MARK2: variants seen among roughly 807,000 people sequenced by gnomAD.
The protein encoded by MARK2 is serine/threonine-protein kinase MARK2.
A neutral mutation model predicts 89.8 loss-of-function variants in MARK2; 16 were observed. The ratio of observed to expected loss-of-function variants is 0.18; its 90% CI spans 0.12 to 0.27. MARK2 has a LOEUF of 0.27. MARK2 is among the 10% of genes least tolerant of loss of function. MARK2 has a pLI of 1.00. For missense variants in MARK2, 621 were observed against 1,049.9 expected (o/e 0.59, Z 5.65); for synonymous variants, 382 against 399.5 (o/e 0.96, Z 0.52).
At chr11:63,839,964 C>T (rs1266840990) in intron 1 of MARK2, among the ~76,000 whole-genome samples, 2 of 152,178 alleles carry the variant, frequency 1.3e-5, no homozygotes, top group Non-Finnish European at 2.9e-5. Context: ...CCACCTCTCC[C>T]TTCGTCTCTC....
chr11:63,910,157 G>T lies in MARK2; in HGVS notation c.*920G>T, dbSNP rs1941660319. On this transcript the variant is annotated 3_prime_UTR_variant, in exon 19 of 19. Transcript: ENST00000402010. ...TTGGGCTGTTGGTCTCCAGAGCAGG[G>T]CCACTGGGCACTCTGTGATGGGGGA... 6.6e-6 allele frequency: 1 copy of T among 152,376 alleles called. No homozygotes were observed. The highest frequency in any genetic ancestry group is 1.5e-5 in the Non-Finnish European group (1 of 68,160). The allele number at this position is 152,376 out of a possible 1,614,324, so 9.4% of individuals were successfully genotyped here.
intron 16 of MARK2, among the ~76,000 whole-genome samples, chr11:63,905,698 G>C (rs1007120802): frequency 6.6e-6 from 1 of 152,362 alleles, no homozygotes; most frequent in East Asian, 1.9e-4. Flanking sequence ...GGTGCAGCTT[G>C]AAGTGCATCC....
chr11:63,858,574 C>T (rs936252442), intron 1 of MARK2, among the ~76,000 whole-genome samples: 4 of 150,808 alleles, frequency 2.7e-5, no homozygotes, highest in African/African-American at 7.3e-5. Flanking sequence ...AGGCTGGTCT[C>T]GAACTCCTGA....
At position 63,904,733 on chromosome 11, in the gene MARK2, T is replaced by C; in HGVS notation, c.1677-53T>C. On this transcript the variant is annotated intron_variant, in intron 15 of 18. Transcript: ENST00000402010. This position sits in a 1 kb window ranked among gnomAD's most constrained non-coding sequence, Gnocchi z 6.3. ...CACAGGGTGTCCAGGTGCCCAGTGA[T>C]GGCTGTCCTGTACCCTAATTCGTCC... The C allele has an allele frequency of 1.3e-6, 2 of 1,570,138 alleles. No homozygotes were observed. The highest frequency in any genetic ancestry group is 2.3e-5 in the East Asian group (1 of 44,370).
chr11:63,857,853 T>A (rs1661673366), intron 1 of MARK2, among the ~76,000 whole-genome samples: 1 of 152,140 alleles, frequency 6.6e-6, no homozygotes, highest in African/African-American at 2.4e-5. Flanking sequence ...TTTATTTTTT[T>A]ATTTTTTGAG....
At chr11:63,906,153 G>GTGTGTC (rs1554987686) in intron 17 of MARK2, 39 bp downstream of exon 17, 57 of 1,287,712 alleles carry the variant, frequency 4.4e-5, no homozygotes, top group African/African-American at 1.5e-5. Context: ...GTGTGTGTGT[G>GTGTGTC]TGTCTGTGTC....
rs1411756585 is a variant in MARK2, at chr11:63,909,506, G to T, written c.*269G>T. 2 of 363,884 alleles carry T rather than the reference G, an allele frequency of 5.5e-6. No individual in the cohort carries two copies. Among genetic ancestry groups the T allele is most frequent in the Non-Finnish European group, 9.9e-6 (2 of 201,984 alleles). The allele number at this position is 363,884 out of a possible 1,614,324, so 22.5% of individuals were successfully genotyped here. A position where few individuals can be genotyped will look rare whatever the true frequency, so the allele number is the denominator to read the frequency against. ...AAGGAAGGGGAGGGTGGATGGGGGGGCAGGGCTCCCCCTCGGTACTGCGGT... is the reference window on the plus strand; with the variant it reads ...AAGGAAGGGGAGGGTGGATGGGGGGTCAGGGCTCCCCCTCGGTACTGCGGT... On this transcript the variant is annotated 3_prime_UTR_variant, in exon 19 of 19. Transcript: ENST00000402010.
intron 1 of MARK2, among the ~76,000 whole-genome samples, chr11:63,861,683 C>T (rs1390799787): frequency 6.6e-6 from 1 of 151,850 alleles, no homozygotes; most frequent in African/African-American, 2.4e-5. Flanking sequence ...ATTTATTGAG[C>T]CCTTACTCTG....
chr11:63,864,569 T>C (rs1485689011), intron 1 of MARK2, among the ~76,000 whole-genome samples: 14 of 151,740 alleles, frequency 9.2e-5, no homozygotes. Flanking sequence ...TTTATTTTTA[T>C]TTTTTGTAGA....
At chr11:63,901,166 G>A (rs1016529410) in intron 11 of MARK2, 97 bp downstream of exon 11, 22 of 794,664 alleles carry the variant, frequency 2.8e-5, no homozygotes, top group Admixed American at 1.0e-4. Context: ...TCATCTCTGA[G>A]TAGGTGTGCT....
At chr11:63,884,549 G>A (rs73494120) in intron 1 of MARK2, among the ~76,000 whole-genome samples, 5,543 of 152,286 alleles carry the variant, frequency 0.036, 334 homozygotes, top group African/African-American at 0.12. Flanking sequence ...TAAGTTGCAG[G>A]CTCTTCTGGT....
chr11:63,899,084 G>A lies in MARK2; in HGVS notation c.507G>A (p.Lys169=). The part of the protein sequence containing the change: ...IVSAVQYCHQ[K]FIVHRDLKAE... ...CTGCTGTGCAGTACTGTCACCAGAA[G>A]TTTATTGTCCATAGAGACTTAAAGG... Residue 169 remains lysine, a synonymous_variant, in exon 7 of 19, where the codon AAG becomes AAA. Coordinates refer to ENST00000402010, the MANE Select transcript of MARK2 (RefSeq NM_001039469.3). 1 of 1,612,464 alleles carries A rather than the reference G, an allele frequency of 6.2e-7. No homozygotes were observed. Among genetic ancestry groups the A allele is most frequent in the Non-Finnish European group, 8.5e-7 (1 of 1,179,126 alleles).
intron 6 of MARK2, 94 bp downstream of exon 6, chr11:63,898,927 G>C: frequency 7.7e-7 from 1 of 1,300,630 alleles, no homozygotes; most frequent in Non-Finnish European, 1.1e-6. Context: ...GTGGCCCTTG[G>C]AGGGTACTTT....
At chr11:63,886,652 GACCTCAAGTGATCC>G (rs1247035211) in intron 1 of MARK2, among the ~76,000 whole-genome samples, 1 of 152,174 alleles carries the variant, frequency 6.6e-6, no homozygotes, top group Non-Finnish European at 1.5e-5. Context: ...TCGAACTCCT[GACCTCAAGTGATCC>G]ACCAGCCTCG....
Position 63,839,282 on chromosome 11 carries a change from G to T in MARK2, c.-225G>T. The T allele has an allele frequency of 3.2e-6, 1 of 314,956 alleles. No individual in the cohort carries two copies. 19.5% of individuals were successfully genotyped at this position (314,956 alleles called of 1,614,324 possible). On this transcript the variant is annotated 5_prime_UTR_variant, in exon 1 of 19. Coordinates refer to ENST00000402010, the MANE Select transcript of MARK2 (RefSeq NM_001039469.3). ...CCGAAAGGCGGCACAGCCCAGCCGGGGGTCGGGGGGGTGCGGTCCGGAGCC... is the reference window on the plus strand; with the variant it reads ...CCGAAAGGCGGCACAGCCCAGCCGGTGGTCGGGGGGGTGCGGTCCGGAGCC...
At chr11:63,856,249 G>A (rs1350988464) in intron 1 of MARK2, among the ~76,000 whole-genome samples, 5 of 150,176 alleles carry the variant, frequency 3.3e-5, no homozygotes, top group African/African-American at 1.2e-4. Context: ...TGATGTGAGG[G>A]ACTTTGACCA....
In MARK2 at chr11:63,858,315, C is replaced by G. The variant is rs1049734587; in HGVS notation, c.54+18755C>G. ...ACGGGCATGAGCCACTGTGCCTGGC[C>G]CTGTAATATAATTTTACATGAGTTA... On this transcript the variant is annotated intron_variant, in intron 1 of 18. Coordinates refer to ENST00000402010, the MANE Select transcript of MARK2 (RefSeq NM_001039469.3). 2.5e-4 allele frequency among the ~76,000 whole-genome samples: 38 copies of G among 152,006 alleles called. No homozygotes were observed. In the East Asian group the frequency reaches 2.7e-3, roughly 11 times the overall value.
chr11:63,910,730 C>CCAGGCCAGGCTCAGGCT lies in MARK2; in HGVS notation c.*1493_*1494insCAGGCCAGGCTCAGGCT. 1 of 150,874 alleles carries CCAGGCCAGGCTCAGGCT rather than the reference C, an allele frequency of 6.6e-6. No individual in the cohort carries two copies. The highest frequency in any genetic ancestry group is 1.5e-5 in the Non-Finnish European group (1 of 67,868). The allele number at this position is 150,874 out of a possible 1,614,324, so 9.3% of individuals were successfully genotyped here. ...CCCAGGCCAGGCTCAGCGATTAAGC[C>CCAGGCCAGGCTCAGGCT]GAGCCCTTGCGTCCTAGGAAGGGGC... On this transcript the variant is annotated 3_prime_UTR_variant, in exon 19 of 19. Coordinates refer to ENST00000402010, the MANE Select transcript of MARK2 (RefSeq NM_001039469.3).
intron 7 of MARK2, 85 bp downstream of exon 7, chr11:63,899,193 A>G (rs1940661528): frequency 1.2e-6 from 1 of 849,058 alleles, no homozygotes; most frequent in Non-Finnish European, 2.0e-6. Flanking sequence ...ATCAATAACC[A>G]TCAGGCCCTG....
Sources: gnomAD v4.1 joint callset for allele counts (sites outside exome capture counted in the v4.1 genomes callset) on GRCh38, gnomAD v4.1.1 for gene constraint, Gnocchi (gnomAD v3.1) non-coding constraint, MANE v1.5 for transcripts, NCBI Gene and HGNC (gene_info 2026-07-23, HGNC 2026-07-21) for gene names.